SLC39A10: variants seen among roughly 807,000 people sequenced by gnomAD.
SLC39A10 encodes solute carrier family 39 member 10.
Under a neutral mutation model 65.1 loss-of-function variants are expected in SLC39A10, and 13 were observed. That is an observed-to-expected ratio of 0.20 (90% CI 0.13 to 0.32). The LOEUF (loss-of-function observed/expected upper bound fraction) is 0.32, where lower values mean the gene tolerates loss of function less well. Among genes scored for constraint, SLC39A10 ranks in the 10% least tolerant of loss-of-function variants. The pLI is 1.00. For synonymous variants in SLC39A10, 321 were observed against 342.2 expected (o/e 0.94, Z 0.68); for missense variants, 831 against 1,018.4 (o/e 0.82, Z 2.50).
chr2:195,614,370 GC>G (rs1405525605), intron 2 of SLC39A10, among the ~76,000 whole-genome samples: 3 of 152,104 alleles, frequency 2.0e-5, no homozygotes, highest in Non-Finnish European at 4.4e-5. Context: ...AATTTTCGGT[GC>G]CAAAATTAAG....
chr2:195,628,487 T>C (rs934155090), intron 2 of SLC39A10, among the ~76,000 whole-genome samples: 1 of 152,344 alleles, frequency 6.6e-6, no homozygotes, highest in African/African-American at 2.4e-5. Context: ...ATATTTAGTA[T>C]ATATTATATG....
intron 2 of SLC39A10, among the ~76,000 whole-genome samples, chr2:195,625,770 T>C (rs1688460766): frequency 6.6e-6 from 1 of 152,186 alleles, no homozygotes; most frequent in Admixed American, 6.5e-5. Flanking sequence ...AAAGCAGTGA[T>C]ACCAAAAATG....
chr2:195,622,344 C>T (rs1002649077), intron 2 of SLC39A10, among the ~76,000 whole-genome samples: 2 of 151,230 alleles, frequency 1.3e-5, no homozygotes, highest in African/African-American at 2.4e-5. Context: ...CTAGCCTGGG[C>T]GACAAGAGTG....
At chr2:195,613,762 C>T (rs544436621) in intron 2 of SLC39A10, among the ~76,000 whole-genome samples, 1 of 152,182 alleles carries the variant, frequency 6.6e-6, no homozygotes, top group East Asian at 1.9e-4. Context: ...AAACATTACC[C>T]AGTGCAACAA....
At chr2:195,625,071 C>G (rs1346963712) in intron 2 of SLC39A10, among the ~76,000 whole-genome samples, 1 of 141,542 alleles carries the variant, frequency 7.1e-6, no homozygotes, top group East Asian at 2.3e-4. Flanking sequence ...ACAAAAATTA[C>G]CCGGGCGTGG....
intron 8 of SLC39A10, among the ~76,000 whole-genome samples, chr2:195,723,112 A>G (rs953736509): frequency 1.3e-5 from 2 of 152,218 alleles, no homozygotes; most frequent in Non-Finnish European, 2.9e-5. Flanking sequence ...GAACCATAGA[A>G]TAACATATAG....
intron 1 of SLC39A10, among the ~76,000 whole-genome samples, chr2:195,665,674 A>T (rs758902364): frequency 1.4e-4 from 21 of 152,190 alleles, no homozygotes; most frequent in Non-Finnish European, 2.8e-4. Flanking sequence ...TGGGGGGAAA[A>T]ATCAGTCCCC....
At chr2:195,715,376 A>AT (rs891505052) in intron 6 of SLC39A10, among the ~76,000 whole-genome samples, 1 of 151,976 alleles carries the variant, frequency 6.6e-6, no homozygotes, top group Admixed American at 6.6e-5. Context: ...GAATACAAAA[A>AT]TTAGCCGGGT....
At position 195,680,193 on chromosome 2, in the gene SLC39A10, T is replaced by C. The variant is rs763216458; in HGVS notation, c.151T>C (p.Phe51Leu). Residue 51 changes from phenylalanine (F) to leucine (L), a missense_variant, in exon 2 of 10, where the codon TTT becomes CTT. By Grantham distance (22) the Phe-to-Leu change is conservative. Transcript: ENST00000359634. Reference protein sequence around the residue: ...RGMTELEPSKFSKQAAENEKK... With the variant: ...RGMTELEPSKLSKQAAENEKK... The stretch of plus-strand genomic sequence containing the variant: ...AATGACAGAATTGGAGCCAAGCAAA[T>C]TTTCAAAGCAAGCTGCTGAAAATGA... The C allele has an allele frequency of 6.2e-7, 1 of 1,613,982 alleles. No individual in the cohort carries two copies. Among genetic ancestry groups the C allele is most frequent in the Non-Finnish European group, 8.5e-7 (1 of 1,180,004 alleles).
At chr2:195,661,003 A>G (rs1383603032) in intron 1 of SLC39A10, among the ~76,000 whole-genome samples, 2 of 152,258 alleles carry the variant, frequency 1.3e-5, no homozygotes, top group Non-Finnish European at 1.5e-5. Context: ...ACCTCTTCAT[A>G]GCCACAAGAT....
intron 8 of SLC39A10, among the ~76,000 whole-genome samples, chr2:195,720,335 T>A (rs931235238): frequency 6.6e-6 from 1 of 152,240 alleles, no homozygotes; most frequent in Non-Finnish European, 1.5e-5. Context: ...CAATACTACT[T>A]TGGTTTTCTT....
rs1267560498 is a variant in SLC39A10 at position 195,735,932 on chromosome 2, A to G, written c.*891A>G. The G allele has an allele frequency of 2.0e-5, 3 of 150,764 alleles. No individual in the cohort carries two copies. The highest frequency in any genetic ancestry group is 7.3e-5 in the African/African-American group (3 of 40,836). 9.3% of individuals were successfully genotyped at this position (150,764 alleles called of 1,614,324 possible). ...CGTGGTTTAAATAGTTGATTTTCCT[A>G]TTTTAACAGTACCAACTAGTTAATT... On this transcript the variant is annotated 3_prime_UTR_variant, in exon 10 of 10. Coordinates refer to ENST00000359634, the MANE Select transcript of SLC39A10 (RefSeq NM_020342.3).
intron 2 of SLC39A10, among the ~76,000 whole-genome samples, chr2:195,630,698 A>G (rs1688568147): frequency 6.6e-6 from 1 of 152,246 alleles, no homozygotes; most frequent in Admixed American, 6.5e-5. Flanking sequence ...TATGTATCAT[A>G]ACACCACAGG....
chr2:195,673,305 C>T (rs961846256), intron 1 of SLC39A10, among the ~76,000 whole-genome samples: 14 of 152,110 alleles, frequency 9.2e-5, no homozygotes, highest in African/African-American at 2.9e-4. Flanking sequence ...GCTTCTGACA[C>T]GCCACCATGC....
chr2:195,648,247 C>A (rs1417738277), intron 2 of SLC39A10, among the ~76,000 whole-genome samples: 1 of 151,956 alleles, frequency 6.6e-6, no homozygotes, highest in Non-Finnish European at 1.5e-5. Flanking sequence ...ATCCTCCCAT[C>A]TTGGCCTCCG....
intron 2 of SLC39A10, among the ~76,000 whole-genome samples, chr2:195,631,169 G>T (rs1326765978): frequency 6.6e-6 from 1 of 152,008 alleles, no homozygotes; most frequent in Non-Finnish European, 1.5e-5. Context: ...CTGGGAGACA[G>T]AGTGAGACTC....
chr2:195,659,916 G>C (rs1038264469), intron 1 of SLC39A10, among the ~76,000 whole-genome samples: 3 of 152,010 alleles, frequency 2.0e-5, no homozygotes, highest in East Asian at 1.9e-4. Context: ...TGGGCCTTTG[G>C]GGGGGATACA....
chr2:195,711,558 T>C (rs1418999068), intron 5 of SLC39A10, among the ~76,000 whole-genome samples: 1 of 152,190 alleles, frequency 6.6e-6, no homozygotes, highest in Non-Finnish European at 1.5e-5. Context: ...GGACAATAAG[T>C]AACCTAAGAT....
intron 3 of SLC39A10, among the ~76,000 whole-genome samples, chr2:195,699,863 G>A (rs1691110018): frequency 6.6e-6 from 1 of 152,058 alleles, no homozygotes; most frequent in African/African-American, 2.4e-5. Flanking sequence ...ATTGAAAGTG[G>A]AGTACTGAGG....
Sources: allele counts gnomAD v4.1 joint callset (sites outside exome capture counted in the v4.1 genomes callset), GRCh38; gene constraint gnomAD v4.1.1; transcripts MANE v1.5; gene names NCBI Gene and HGNC (gene_info 2026-07-23, HGNC 2026-07-21).